ADAMTS6: variants seen among roughly 807,000 people sequenced by gnomAD.
The protein encoded by ADAMTS6 is A disintegrin and metalloproteinase with thrombospondin motifs 6.
Under a neutral mutation model 144.3 loss-of-function variants are expected in ADAMTS6, and 23 were observed. The observed-to-expected ratio is 0.16, with a 90% CI of 0.11 to 0.23. The LOEUF (loss-of-function observed/expected upper bound fraction) is 0.23, where lower values mean the gene tolerates loss of function less well. Among genes scored for constraint, ADAMTS6 ranks in the 10% least tolerant of loss-of-function variants. ADAMTS6 has a pLI of 1.00. For missense variants in ADAMTS6, 999 were observed against 1,379.6 expected (o/e 0.72, Z 4.37); for synonymous variants, 444 against 457.5 (o/e 0.97, Z 0.38).
intron 20 of ADAMTS6, among the ~76,000 whole-genome samples, chr5:65,206,273 T>C (rs1756076814): frequency 1.3e-5 from 2 of 152,340 alleles, no homozygotes; most frequent in South Asian, 2.1e-4. Flanking sequence ...GTAAGATCAA[T>C]ATCGCTATGT....
At chr5:65,318,133 C>A (rs1745200254) in intron 9 of ADAMTS6, among the ~76,000 whole-genome samples, 1 of 149,910 alleles carries the variant, frequency 6.7e-6, no homozygotes, top group South Asian at 2.1e-4. Context: ...AAAAGTTGTT[C>A]AATATAATTG....
At chr5:65,241,636 A>G (rs1759195887) in intron 15 of ADAMTS6, among the ~76,000 whole-genome samples, 1 of 152,146 alleles carries the variant, frequency 6.6e-6, no homozygotes, top group Non-Finnish European at 1.5e-5. Context: ...AAAGAGCAAA[A>G]ATGTTTTCTA....
At chr5:65,226,781 C>T (rs1332367208) in intron 15 of ADAMTS6, among the ~76,000 whole-genome samples, 2 of 152,052 alleles carry the variant, frequency 1.3e-5, no homozygotes, top group Non-Finnish European at 2.9e-5. Context: ...CAGGGTTTCA[C>T]CATGTTAGTC....
intron 20 of ADAMTS6, among the ~76,000 whole-genome samples, chr5:65,197,830 T>G (rs1000476283): frequency 9.2e-5 from 14 of 152,196 alleles, no homozygotes; most frequent in Admixed American, 8.5e-4. Context: ...TTAATTTATC[T>G]CATTTTAAAA....
chr5:65,430,919 T>C (rs1366504685), intron 7 of ADAMTS6, among the ~76,000 whole-genome samples: 1 of 152,192 alleles, frequency 6.6e-6, no homozygotes, highest in Non-Finnish European at 1.5e-5. Context: ...CTACCCCAGA[T>C]GCATATCACA....
At chr5:65,401,842 C>T (rs1490639954) in intron 7 of ADAMTS6, among the ~76,000 whole-genome samples, 2 of 152,116 alleles carry the variant, frequency 1.3e-5, no homozygotes, top group East Asian at 1.9e-4. Context: ...AGCTCCTTAC[C>T]TGTAGAAACT....
chr5:65,430,479 A>C (rs1272754918), intron 7 of ADAMTS6, among the ~76,000 whole-genome samples: 1 of 152,166 alleles, frequency 6.6e-6, no homozygotes, highest in Non-Finnish European at 1.5e-5. Context: ...TTTAAAACCA[A>C]GCAGGACACT....
chr5:65,415,044 A>T (rs1050473978), intron 7 of ADAMTS6, among the ~76,000 whole-genome samples: 3 of 152,232 alleles, frequency 2.0e-5, no homozygotes, highest in Non-Finnish European at 4.4e-5. Flanking sequence ...CAAAGTTAAA[A>T]GTCAATATAG....
intron 7 of ADAMTS6, among the ~76,000 whole-genome samples, chr5:65,427,935 G>A (rs974683088): frequency 2.0e-5 from 3 of 151,984 alleles, no homozygotes; most frequent in African/African-American, 7.2e-5. Flanking sequence ...TCATGATTAA[G>A]TTAATAAAGA....
intron 7 of ADAMTS6, among the ~76,000 whole-genome samples, chr5:65,351,194 C>T (rs566540885): frequency 3.9e-5 from 6 of 152,144 alleles, no homozygotes; most frequent in African/African-American, 1.4e-4. Flanking sequence ...CATCACATAT[C>T]TACAAGAGGT....
At chr5:65,228,431 G>A (rs191091623) in intron 15 of ADAMTS6, among the ~76,000 whole-genome samples, 37 of 152,240 alleles carry the variant, frequency 2.4e-4, no homozygotes, top group Middle Eastern at 6.8e-3. Flanking sequence ...GATACAATGA[G>A]CTTTCAGAAA....
intron 21 of ADAMTS6, among the ~76,000 whole-genome samples, chr5:65,192,321 G>A (rs1315247284): frequency 1.3e-5 from 2 of 151,980 alleles, no homozygotes; most frequent in Non-Finnish European, 1.5e-5. Context: ...TCAGGAAAGA[G>A]AACCATTTCT....
At chr5:65,202,124 G>A (rs1029727537) in intron 20 of ADAMTS6, among the ~76,000 whole-genome samples, 7 of 152,126 alleles carry the variant, frequency 4.6e-5, no homozygotes, top group African/African-American at 1.7e-4. Flanking sequence ...CACTCATATG[G>A]TTCCTTCTTC....
At chr5:65,266,016 G>C (rs943671621) in intron 12 of ADAMTS6, among the ~76,000 whole-genome samples, 2 of 151,500 alleles carry the variant, frequency 1.3e-5, no homozygotes, top group South Asian at 4.2e-4. Context: ...CACAGCTGTA[G>C]ATACACGTTA....
intron 11 of ADAMTS6, among the ~76,000 whole-genome samples, chr5:65,276,301 T>C (rs564475195): frequency 6.6e-6 from 1 of 152,182 alleles, no homozygotes; most frequent in South Asian, 2.1e-4. Context: ...CATATTAACT[T>C]CTCTTTTACA....
chr5:65,354,463 A>G (rs1749141764), intron 7 of ADAMTS6, among the ~76,000 whole-genome samples: 1 of 151,850 alleles, frequency 6.6e-6, no homozygotes. Context: ...TAAGCTGTGC[A>G]TTCATGTAAT....
chr5:65,295,732 G>A (rs1742772403), intron 10 of ADAMTS6, among the ~76,000 whole-genome samples: 1 of 151,890 alleles, frequency 6.6e-6, no homozygotes, highest in Non-Finnish European at 1.5e-5. Context: ...TTTTGTTTAC[G>A]CTTCTAAGAC....
intron 7 of ADAMTS6, among the ~76,000 whole-genome samples, chr5:65,368,451 C>T (rs1750510388): frequency 6.6e-6 from 1 of 152,154 alleles, no homozygotes; most frequent in Non-Finnish European, 1.5e-5. Context: ...AGACATGAAG[C>T]TAAAATAGTT....
rs923603531 is a variant in ADAMTS6 at position 65,291,396 on chromosome 5, T to C, written c.1445A>G (p.Gln482Arg). ...ACATTGCTCATCAGCATCATACACC[T>C]GACCTGGGGCCACAGCTGGATAAAG... ...DFLYPAVAPG[Q>R]VYDADEQCRF... is the part of the protein sequence containing the mutation. Residue 482 changes from glutamine (Q) to arginine (R), a missense_variant, in exon 11 of 25, where the codon CAG becomes CGG. By Grantham distance (43) the Gln-to-Arg change is conservative (BLOSUM62 1). Around this residue, in one of 3 missense-constraint regions of ADAMTS6, gnomAD observed 619 missense variants for 837.0 expected, o/e 0.74. Coordinates refer to ENST00000381055, the MANE Select transcript of ADAMTS6 (RefSeq NM_197941.4). The C allele has an allele frequency of 6.2e-7, 1 of 1,614,050 alleles. No homozygotes were observed. Among genetic ancestry groups the C allele is most frequent in the East Asian group, 2.2e-5 (1 of 44,868 alleles).
Sources: allele counts gnomAD v4.1 joint callset (sites outside exome capture counted in the v4.1 genomes callset), GRCh38; gene constraint gnomAD v4.1.1; regional missense constraint gnomAD v4.1.1; transcripts MANE v1.5; gene names NCBI Gene and HGNC (gene_info 2026-07-23, HGNC 2026-07-21).